Variants in NFASC observed in about 807,000 individuals in gnomAD.
NFASC encodes neurofascin.
A neutral mutation model predicts 147.5 loss-of-function variants in NFASC; 43 were observed. That is an observed-to-expected ratio of 0.29 (90% confidence interval 0.23 to 0.38). The LOEUF (loss-of-function observed/expected upper bound fraction) is 0.38. Ranked by LOEUF, NFASC falls within the 10% of genes least tolerant of loss-of-function variation. The pLI is 1.00. For missense variants in NFASC, 1,320 were observed against 1,689.0 expected (o/e 0.78, Z 3.83); for synonymous variants, 622 against 665.5 (o/e 0.93, Z 1.01).
At chr1:204,967,359 G>A (rs1249521435) in intron 8 of NFASC, among the ~76,000 whole-genome samples, 1 of 152,066 alleles carries the variant, frequency 6.6e-6, no homozygotes, top group Non-Finnish European at 1.5e-5. Flanking sequence ...GTGAGGCTCG[G>A]GGAAGGTGGA....
At chr1:204,834,713 C>A (rs1316977700) in intron 1 of NFASC, among the ~76,000 whole-genome samples, 1 of 152,124 alleles carries the variant, frequency 6.6e-6, no homozygotes, top group East Asian at 1.9e-4. Context: ...GAACCTCTTA[C>A]CGGGATCACA....
At chr1:204,910,984 A>T (rs2087310942) in intron 1 of NFASC, among the ~76,000 whole-genome samples, 1 of 152,200 alleles carries the variant, frequency 6.6e-6, no homozygotes. Flanking sequence ...GAATAAGTAT[A>T]GTGAAAGCAG....
Position 204,987,304 on chromosome 1 carries a change from C to A in NFASC, c.2471-114C>A. 1 of 995,342 alleles carries A rather than the reference C, an allele frequency of 1.0e-6. No individual in the cohort carries two copies. Among genetic ancestry groups the A allele is most frequent in the South Asian group, 1.5e-5 (1 of 64,902 alleles). The allele number at this position is 995,342 out of a possible 1,614,324, so 61.7% of individuals were successfully genotyped here. Reference sequence around the variant, plus strand: ...CAGGCTTCAGTTTAGCAGTGTCGAGCATGGGGGTTGTCCAGAGGTCAATGC... The same window carrying A: ...CAGGCTTCAGTTTAGCAGTGTCGAGAATGGGGGTTGTCCAGAGGTCAATGC... On this transcript the variant is annotated intron_variant, in intron 21 of 29. Transcript: ENST00000339876. This position sits in a 1 kb window ranked among gnomAD's most constrained non-coding sequence, Gnocchi z 4.4.
intron 2 of NFASC, among the ~76,000 whole-genome samples, chr1:204,935,625 G>A (rs1312333521): frequency 6.6e-6 from 1 of 152,160 alleles, no homozygotes; most frequent in East Asian, 1.9e-4. Context: ...GTCATCTAGG[G>A]GCTGGCCAGC....
chr1:205,007,327 T>C lies in NFASC; in HGVS notation c.3290-2230T>C, dbSNP rs963509964. On this transcript the variant is annotated intron_variant, in intron 27 of 29. Transcript: ENST00000339876. ...AGGAGGATCACTTAAGCCCAGGAGA[T>C]TGAGGTTGCAGTGAGCTATGATAAC... Among the ~76,000 whole-genome samples the C allele has an allele frequency of 3.3e-5, 5 of 150,798 alleles. No individual in the cohort carries two copies. In the East Asian group the frequency reaches 5.8e-4, roughly 18 times the overall value.
chr1:204,842,276 T>C (rs761085863), intron 1 of NFASC, among the ~76,000 whole-genome samples: 1 of 152,274 alleles, frequency 6.6e-6, no homozygotes, highest in Non-Finnish European at 1.5e-5. Context: ...TCTTCTCTTA[T>C]GTATTTCCTG....
rs541866977 is a variant in NFASC at position 204,997,359 on chromosome 1, C to T, written c.2972C>T (p.Thr991Met). The change falls in exon 25 of 30, where the codon ACG (threonine) becomes ATG (methionine). Residue 991 changes from threonine (T) to methionine (M), a missense_variant. Transcript: ENST00000339876. The part of the protein sequence containing the change: ...TTTTAAATTT[T>M]ESPPTTTSGT... ...ACCACTGCTGCCGCCACCACCACCA[C>T]GGAGAGTCCTCCCACCACCACCTCC... is the stretch of plus-strand genomic sequence containing the variant. 6.2e-5 allele frequency: 97 copies of T among 1,556,016 alleles called. No homozygotes were observed. Among genetic ancestry groups the T allele is most frequent in the Admixed American group, 1.2e-4 (6 of 51,266 alleles).
intron 1 of NFASC, among the ~76,000 whole-genome samples, chr1:204,885,713 G>T (rs200640587): frequency 2.0e-5 from 3 of 152,320 alleles, no homozygotes; most frequent in East Asian, 3.9e-4. Context: ...GCCTAGTGAA[G>T]ATTCTTTAGG....
intron 1 of NFASC, among the ~76,000 whole-genome samples, chr1:204,870,196 A>C (rs1361582008): frequency 5.9e-5 from 9 of 152,192 alleles, no homozygotes; most frequent in Non-Finnish European, 1.3e-4. Context: ...TTTAGCCTGC[A>C]GAAGATAGGG....
chr1:204,870,217 C>T (rs1389653992), intron 1 of NFASC, among the ~76,000 whole-genome samples: 1 of 152,166 alleles, frequency 6.6e-6, no homozygotes, highest in Non-Finnish European at 1.5e-5. Flanking sequence ...ACAAGGGCCA[C>T]ACGCATGGCT....
chr1:204,899,402 G>A (rs138105945), intron 1 of NFASC, among the ~76,000 whole-genome samples: 6 of 136,050 alleles, frequency 4.4e-5, no homozygotes, highest in South Asian at 2.1e-4. Context: ...GGCTGAGGCC[G>A]GCAGCTGGGC....
chr1:204,977,614 C>A, intron 16 of NFASC, 67 bp from the exon 17 acceptor site: 2 of 1,488,740 alleles, frequency 1.3e-6, no homozygotes, highest in South Asian at 1.2e-5. Context: ...TGCCTACCCC[C>A]ATCCTTCTAG....
intron 1 of NFASC, among the ~76,000 whole-genome samples, chr1:204,887,062 T>C (rs2148969493): frequency 6.6e-6 from 1 of 152,312 alleles, no homozygotes; most frequent in Middle Eastern, 3.4e-3. Context: ...TACATGTATG[T>C]TGCTGTGTGC....
In NFASC at chr1:204,968,967, T is replaced by C; in HGVS notation, c.988T>C (p.Ser330Pro). 1 of 1,613,978 alleles carries C rather than the reference T, an allele frequency of 6.2e-7. No individual in the cohort carries two copies. Among genetic ancestry groups the C allele is most frequent in the South Asian group, 1.1e-5 (1 of 91,040 alleles). The change falls in exon 10 of 30, where the codon TCG becomes CCG. Residue 330 changes from serine to proline, a missense_variant. Transcript: ENST00000339876. This position sits in a 1 kb window ranked among gnomAD's most constrained non-coding sequence, Gnocchi z 5.4. ...GATGGGCAGCATCCGGCACACGATCTCGGTGAGAGTAAAGGGTACGTTGTG... is the reference window on the plus strand; with the variant it reads ...GATGGGCAGCATCCGGCACACGATCCCGGTGAGAGTAAAGGGTACGTTGTG... Reference protein sequence around the residue: ...NKMGSIRHTISVRVKAAPYWL... With the variant: ...NKMGSIRHTIPVRVKAAPYWL...
chr1:204,872,441 C>A (rs141464192), intron 1 of NFASC, among the ~76,000 whole-genome samples: 3 of 152,162 alleles, frequency 2.0e-5, no homozygotes, highest in Non-Finnish European at 4.4e-5. Context: ...CCTGGGAGCA[C>A]TGTTTCTGTG....
rs544758185 is a variant in NFASC at position 204,965,493 on chromosome 1, ATCT to A, written c.707-2750_707-2748del. ...TCCTTAATGATATTATGTCCCCCAA[ATCT>A]TCTTCAAGTTTTCCATGCCTTTAAG... On this transcript the variant is annotated intron_variant, in intron 8 of 29. Coordinates refer to ENST00000339876, the MANE Select transcript of NFASC (RefSeq NM_001005388.3). 1.1e-4 allele frequency among the ~76,000 whole-genome samples: 17 copies of A among 152,266 alleles called. No homozygotes were observed. The East Asian group carries it at 2.7e-3, about 24-fold the overall frequency.
rs890926453 is a variant in NFASC, at chr1:204,997,020, C to T, written c.2783-150C>T. 8.2e-6 allele frequency: 10 copies of T among 1,212,680 alleles called. No homozygotes were observed. The East Asian group carries it at 1.0e-4, about 12-fold the overall frequency. 75.1% of individuals were successfully genotyped at this position (1,212,680 alleles called of 1,614,324 possible). A position where few individuals can be genotyped will look rare whatever the true frequency, so the allele number is the denominator to read the frequency against. On this transcript the variant is annotated intron_variant, in intron 24 of 29. Transcript: ENST00000339876. ...GGTTGTGTCTTCTGTTGCTGCGACCCGTCTGACCCAGTCCGTTATGCTTGG... is the reference window on the plus strand; with the variant it reads ...GGTTGTGTCTTCTGTTGCTGCGACCTGTCTGACCCAGTCCGTTATGCTTGG...
chr1:204,941,412 G>A (rs1264815779), intron 2 of NFASC, among the ~76,000 whole-genome samples: 1 of 152,146 alleles, frequency 6.6e-6, no homozygotes, highest in African/African-American at 2.4e-5. Context: ...TCTTGCCAAT[G>A]TGTATCTGAT....
chr1:205,003,663 A>G (rs534221083), intron 27 of NFASC, among the ~76,000 whole-genome samples: 1 of 152,212 alleles, frequency 6.6e-6, no homozygotes, highest in Non-Finnish European at 1.5e-5. Context: ...TCCTAATCAG[A>G]TGCAGGTCAT....
Sources: gnomAD v4.1 joint callset for allele counts (sites outside exome capture counted in the v4.1 genomes callset) on GRCh38, gnomAD v4.1.1 for gene constraint, Gnocchi (gnomAD v3.1) non-coding constraint, MANE v1.5 for transcripts, NCBI Gene and HGNC (gene_info 2026-07-23, HGNC 2026-07-21) for gene names.